Variants in TOPBP1 observed in about 807,000 individuals in gnomAD.
The protein encoded by TOPBP1 is DNA topoisomerase II binding protein 1, also known as DNA topoisomerase 2-binding protein 1.
A neutral mutation model predicts 167.7 loss-of-function variants in TOPBP1; 28 were observed. That is an observed-to-expected ratio of 0.17 (90% CI 0.12 to 0.23). The LOEUF (loss-of-function observed/expected upper bound fraction) is 0.23, where lower values mean the gene tolerates loss of function less well. Among genes scored for constraint, TOPBP1 ranks in the 10% least tolerant of loss-of-function variants. The pLI, the probability that TOPBP1 is intolerant of heterozygous loss-of-function variation, is 1.00. For synonymous variants in TOPBP1, 598 were observed against 611.4 expected, an observed-to-expected ratio of 0.98 and a Z score of 0.32; for missense variants, 1,554 against 1,809.6, an observed-to-expected ratio of 0.86 and a Z score of 2.56.
intron 13 of TOPBP1, among the ~76,000 whole-genome samples, chr3:133,638,499 G>C (rs901267285): frequency 8.5e-5 from 13 of 152,144 alleles, no homozygotes; most frequent in African/African-American, 3.1e-4. Context: ...GCCAAAAATT[G>C]TTATCAGTGA....
In TOPBP1 at chr3:133,638,241, A is replaced by G. The variant is rs1032203729; in HGVS notation, c.2234-79T>C. Reference sequence around the variant, plus strand: ...CCCGGTACACAAGAAGTAATATTTTATACTGTTTTCTTTCCTTTCTTTCTT... The same window carrying G: ...CCCGGTACACAAGAAGTAATATTTTGTACTGTTTTCTTTCCTTTCTTTCTT... On this transcript the variant is annotated intron_variant, in intron 13 of 27. Coordinates refer to ENST00000260810, the MANE Select transcript of TOPBP1 (RefSeq NM_007027.4). The G allele has an allele frequency of 6.7e-5, 91 of 1,354,310 alleles. 1 individual carries two copies. The South Asian group carries it at 1.2e-3, about 19-fold the overall frequency. 83.9% of individuals were successfully genotyped at this position (1,354,310 alleles called of 1,614,324 possible). A position where few individuals can be genotyped will look rare whatever the true frequency, so the allele number is the denominator to read the frequency against.
intron 5 of TOPBP1, 50 bp downstream of exon 5, chr3:133,656,626 T>G (rs1256668012): frequency 9.3e-6 from 14 of 1,511,594 alleles, no homozygotes; most frequent in Admixed American, 4.1e-5. Context: ...CAAAAATGAT[T>G]GAATGCATCA....
chr3:133,610,635 T>TA (rs1934642865), intron 25 of TOPBP1, among the ~76,000 whole-genome samples: 10 of 135,756 alleles, frequency 7.4e-5, no homozygotes, highest in African/African-American at 2.7e-4. Flanking sequence ...TGATTAAAAT[T>TA]TAAAAAAAAA....
At chr3:133,623,818 T>G (rs1019424690) in intron 17 of TOPBP1, among the ~76,000 whole-genome samples, 1 of 152,240 alleles carries the variant, frequency 6.6e-6, no homozygotes, top group Non-Finnish European at 1.5e-5. Context: ...CATTTTTAAT[T>G]AGTACAAGGA....
chr3:133,636,494 GAA>G (rs914179618), intron 14 of TOPBP1, among the ~76,000 whole-genome samples: 7 of 151,868 alleles, frequency 4.6e-5, no homozygotes, highest in Admixed American at 2.0e-4. Context: ...AAAAAAGAAA[GAA>G]AAAAGAGGAA....
chr3:133,623,113 A>G lies in TOPBP1; in HGVS notation c.3156T>C (p.Ser1052=). Residue 1052 remains serine (S), a synonymous_variant, in exon 19 of 28, where the codon AGT becomes AGC. Transcript: ENST00000260810. The part of the protein sequence containing the change: ...NNKESAPSNG[S]GKNDSKGVLT... ...TACCTCCTTTAGAGTCATTCTTTCC[A>G]CTTCCATTTGATGGTGCTGACTCTT... 8 of 1,608,826 alleles carry G rather than the reference A, an allele frequency of 5.0e-6. No homozygotes were observed. Among genetic ancestry groups the G allele is most frequent in the Non-Finnish European group, 6.8e-6 (8 of 1,176,812 alleles).
intron 27 of TOPBP1, among the ~76,000 whole-genome samples, 184 bp downstream of exon 27, chr3:133,608,351 C>T (rs1434998838): frequency 6.6e-6 from 1 of 152,066 alleles, no homozygotes; most frequent in Non-Finnish European, 1.5e-5. Context: ...TAAATGTTTA[C>T]ATAATATGTT....
chr3:133,616,993 G>A, intron 22 of TOPBP1, 68 bp from the exon 23 acceptor site: 1 of 1,254,644 alleles, frequency 8.0e-7, no homozygotes, highest in Non-Finnish European at 1.1e-6. Flanking sequence ...TTCTTTTATA[G>A]TGGTATTTTA....
At chr3:133,631,540 T>G (rs1935480580) in intron 14 of TOPBP1, among the ~76,000 whole-genome samples, 1 of 152,214 alleles carries the variant, frequency 6.6e-6, no homozygotes, top group South Asian at 2.1e-4. Flanking sequence ...CCCACTCAAA[T>G]CTCATGTTGA....
intron 16 of TOPBP1, 109 bp downstream of exon 16, chr3:133,628,253 A>C (rs1190112403): frequency 1.0e-6 from 1 of 1,003,804 alleles, no homozygotes; most frequent in Non-Finnish European, 1.5e-6. Flanking sequence ...TTTGTAGATA[A>C]AGATGCATGA....
chr3:133,616,915 A>C lies in TOPBP1; in HGVS notation c.3770T>G (p.Ile1257Arg). 6.6e-7 allele frequency: 1 copy of C among 1,503,876 alleles called. No homozygotes were observed. The highest frequency in any genetic ancestry group is 1.3e-5 in the South Asian group (1 of 76,946). The allele number at this position is 1,503,876 out of a possible 1,614,324, so 93.2% of individuals were successfully genotyped here. A position where few individuals can be genotyped will look rare whatever the true frequency, so the allele number is the denominator to read the frequency against. ...TTTTAATTCTTCATGAGTCTCCTCT[A>C]TCGTTATAATCTGGAATGAAAGTTT... ...APHPREKIIT[I>R]EETHEELKKQ... Residue 1257 changes from isoleucine (I) to arginine (R), a missense_variant, in exon 23 of 28, where the codon ATA (isoleucine) becomes AGA (arginine). Ile to Arg is a moderately conservative substitution (Grantham distance 97). Around this residue, in one of 3 missense-constraint regions of TOPBP1, gnomAD observed 351 missense variants for 432.9 expected, o/e 0.81. Transcript: ENST00000260810.
intron 14 of TOPBP1, among the ~76,000 whole-genome samples, chr3:133,636,398 T>TAAC: frequency 6.6e-6 from 1 of 151,564 alleles, no homozygotes; most frequent in South Asian, 2.1e-4. Flanking sequence ...TTGAAGATGA[T>TAAC]AAGATTATCA....
intron 4 of TOPBP1, among the ~76,000 whole-genome samples, chr3:133,657,311 TC>T (rs1936509387): frequency 6.6e-6 from 1 of 151,428 alleles, no homozygotes; most frequent in Non-Finnish European, 1.5e-5. Flanking sequence ...GCCACTGCAC[TC>T]CAGCGTGGGT....
At chr3:133,613,530 T>C (rs1934752886) in intron 23 of TOPBP1, among the ~76,000 whole-genome samples, 1 of 152,056 alleles carries the variant, frequency 6.6e-6, no homozygotes, top group African/African-American at 2.4e-5. Context: ...GGAGGAAATT[T>C]TTTATGAGTG....
At position 133,623,349 on chromosome 3, in the gene TOPBP1, G is replaced by A; in HGVS notation, c.3037C>T (p.Arg1013Ter). ...GTTGAAGACACAGCTGAGAGTAGTC[G>A]ACTATTACAGAGCCGGCCATCTTGC... ...AVQDGRLCNS[R>*]LLSAVSSTKD... Residue 1013 changes from arginine (R) to a stop codon, truncating the protein, a stop_gained, in exon 18 of 28, where the codon CGA becomes TGA. Transcript: ENST00000260810. LOFTEE classifies it high-confidence loss of function. 2 of 1,613,554 alleles carry A rather than the reference G, an allele frequency of 1.2e-6. No individual in the cohort carries two copies. Among genetic ancestry groups the A allele is most frequent in the East Asian group, 2.2e-5 (1 of 44,832 alleles).
At chr3:133,628,502 G>A (rs761975769) in intron 15 of TOPBP1, 31 bp from the exon 16 acceptor site, 31 of 1,605,062 alleles carry the variant, frequency 1.9e-5, no homozygotes, top group Non-Finnish European at 2.6e-5. Flanking sequence ...AAACAGATCA[G>A]TCATTATTGT....
chr3:133,615,536 C>T (rs1225667160), intron 23 of TOPBP1, among the ~76,000 whole-genome samples: 6 of 152,100 alleles, frequency 3.9e-5, no homozygotes, highest in Admixed American at 3.9e-4. Flanking sequence ...CCATGCTGAG[C>T]TGCCAGATTA....
intron 16 of TOPBP1, among the ~76,000 whole-genome samples, chr3:133,625,018 A>G (rs1046293722): frequency 1.3e-5 from 2 of 152,084 alleles, no homozygotes; most frequent in African/African-American, 4.8e-5. Flanking sequence ...CCAGGCTGGA[A>G]TGCAGTGGCA....
chr3:133,658,820 C>T (rs969906370), intron 3 of TOPBP1, among the ~76,000 whole-genome samples, 196 bp downstream of exon 3: 4 of 152,100 alleles, frequency 2.6e-5, no homozygotes, highest in African/African-American at 9.6e-5. Context: ...AAAACAAAAA[C>T]AAAAACAAAC....
Sources: gnomAD v4.1 joint callset for allele counts (sites outside exome capture counted in the v4.1 genomes callset) on GRCh38, gnomAD v4.1.1 for gene constraint, gnomAD v4.1.1 regional missense constraint, MANE v1.5 for transcripts, NCBI Gene and HGNC (gene_info 2026-07-23, HGNC 2026-07-21) for gene names.